SUMF1: variants seen among roughly 807,000 people sequenced by gnomAD.
SUMF1 encodes sulfatase modifying factor 1.
Under a neutral mutation model 47.6 loss-of-function variants are expected in SUMF1, and 48 were observed. The observed-to-expected ratio is 1.01, with a 90% CI of 0.80 to 1.28. The LOEUF (loss-of-function observed/expected upper bound fraction) is 1.28, where lower values mean the gene tolerates loss of function less well. Ranked by LOEUF, SUMF1 falls within the 50% of genes most tolerant of loss-of-function variation. The pLI is 0.00. For synonymous variants in SUMF1, 230 were observed against 192.1 expected, an observed-to-expected ratio of 1.20 and a Z score of -1.63; for missense variants, 571 against 485.4, an observed-to-expected ratio of 1.18 and a Z score of -1.66.
chr3:4,062,118 C>T (rs1056345281), intron 9 of SUMF1, among the ~76,000 whole-genome samples: 2 of 152,048 alleles, frequency 1.3e-5, no homozygotes, highest in Admixed American at 1.3e-4. Context: ...GCCCTAAGCT[C>T]CTAATCACTG....
At chr3:4,167,708 C>A (rs1483200496) in intron 8 of SUMF1, among the ~76,000 whole-genome samples, 5 of 152,188 alleles carry the variant, frequency 3.3e-5, no homozygotes, top group South Asian at 4.1e-4. Flanking sequence ...GCAACTCAGA[C>A]AATACACCCT....
intron 7 of SUMF1, among the ~76,000 whole-genome samples, chr3:4,387,157 G>T (rs999798092): frequency 6.6e-6 from 1 of 151,940 alleles, no homozygotes; most frequent in African/African-American, 2.4e-5. Flanking sequence ...AAAACAAATT[G>T]TGTAGAATTG....
intron 8 of SUMF1, among the ~76,000 whole-genome samples, chr3:4,254,804 C>CATAATT (rs1410331753): frequency 4.0e-5 from 6 of 150,174 alleles, no homozygotes; most frequent in Non-Finnish European, 9.0e-5. Flanking sequence ...CTCCAAGACA[C>CATAATT]ATAATTGTCA....
intron 7 of SUMF1, 83 bp from the exon 8 acceptor site, chr3:4,376,472 A>T: frequency 7.1e-7 from 1 of 1,412,938 alleles, no homozygotes; most frequent in Non-Finnish European, 1.0e-6. Flanking sequence ...CTTTGATCCA[A>T]CCAGCTCTCT....
intron 8 of SUMF1, among the ~76,000 whole-genome samples, chr3:4,214,456 A>T (rs1043686012): frequency 1.3e-5 from 2 of 152,232 alleles, no homozygotes; most frequent in African/African-American, 2.4e-5. Context: ...AGAAAGCAGG[A>T]AAGATCTAAA....
At chr3:4,284,652 T>C (rs982856912) in intron 8 of SUMF1, among the ~76,000 whole-genome samples, 2 of 152,114 alleles carry the variant, frequency 1.3e-5, no homozygotes, top group African/African-American at 4.8e-5. Flanking sequence ...AAAATGTCTT[T>C]AAGCTGGCTC....
At chr3:4,124,096 T>G (rs1693603374) in intron 8 of SUMF1, among the ~76,000 whole-genome samples, 1 of 152,186 alleles carries the variant, frequency 6.6e-6, no homozygotes. Flanking sequence ...CAATAACACT[T>G]GAAAGCTACA....
chr3:4,320,751 T>G (rs1698812937), intron 8 of SUMF1, among the ~76,000 whole-genome samples: 1 of 152,200 alleles, frequency 6.6e-6, no homozygotes, highest in Admixed American at 6.5e-5. Flanking sequence ...TTCCTGGTTG[T>G]TTGATGAAAT....
chr3:4,407,085 G>GACACACACAC (rs113556805), intron 7 of SUMF1, among the ~76,000 whole-genome samples: 1,777 of 148,634 alleles, frequency 0.012, 46 homozygotes, highest in African/African-American at 0.041. Context: ...ACACACATGG[G>GACACACACAC]ACACACACAC....
At position 4,380,945 on chromosome 3, in the gene SUMF1, C is replaced by T. The variant is rs145984605; in HGVS notation, c.955-4556G>A. ...TGAGTTGAATCCACTGGAGATGCCA[C>T]AGAACCACGTATCAGTGAGACTGGC... On this transcript the variant is annotated intron_variant, in intron 7 of 8. Coordinates refer to ENST00000272902, the MANE Select transcript of SUMF1 (RefSeq NM_182760.4). Among the ~76,000 whole-genome samples the T allele has an allele frequency of 5.3e-5, 8 of 152,286 alleles. No individual in the cohort carries two copies. The East Asian group carries it at 1.4e-3, about 26-fold the overall frequency.
intron 1 of SUMF1, among the ~76,000 whole-genome samples, chr3:4,457,029 C>CGT (rs1170032813): frequency 7.7e-5 from 5 of 64,732 alleles, no homozygotes; most frequent in Admixed American, 1.5e-4. Context: ...CATATATATA[C>CGT]GTGTGTGTGT....
chr3:4,192,609 T>G (rs1343203245), intron 8 of SUMF1, among the ~76,000 whole-genome samples: 1 of 152,134 alleles, frequency 6.6e-6, no homozygotes, highest in African/African-American at 2.4e-5. Flanking sequence ...CCTTGGAATT[T>G]CCTGAGATAG....
At chr3:4,462,902 T>C (rs115980658) in intron 1 of SUMF1, among the ~76,000 whole-genome samples, 6 of 152,222 alleles carry the variant, frequency 3.9e-5, no homozygotes, top group African/African-American at 1.2e-4. Flanking sequence ...TTCTGAGCTA[T>C]ATGATTCCTT....
intron 8 of SUMF1, among the ~76,000 whole-genome samples, chr3:4,126,111 T>C (rs1693649982): frequency 6.6e-6 from 1 of 151,816 alleles, no homozygotes; most frequent in Non-Finnish European, 1.5e-5. Flanking sequence ...ATCAGAATTA[T>C]ATATAGATGC....
intron 6 of SUMF1, among the ~76,000 whole-genome samples, chr3:4,416,817 A>G (rs1361699139): frequency 6.6e-6 from 1 of 152,226 alleles, no homozygotes; most frequent in Admixed American, 6.5e-5. Context: ...ACAAATGGGG[A>G]AGAAATGCAC....
chr3:4,382,414 A>G (rs1363903504), intron 7 of SUMF1, among the ~76,000 whole-genome samples: 1 of 152,200 alleles, frequency 6.6e-6, no homozygotes, highest in Non-Finnish European at 1.5e-5. Context: ...ATTGTAGGAA[A>G]TACAAGGGGT....
At chr3:4,162,696 G>A (rs573961639) in intron 8 of SUMF1, among the ~76,000 whole-genome samples, 1 of 152,288 alleles carries the variant, frequency 6.6e-6, no homozygotes, top group South Asian at 2.1e-4. Flanking sequence ...TGGGAGTGAG[G>A]TGGTGTCAGT....
intron 8 of SUMF1, among the ~76,000 whole-genome samples, chr3:4,190,922 C>T (rs1046165289): frequency 6.6e-6 from 1 of 152,218 alleles, no homozygotes; most frequent in South Asian, 2.1e-4. Flanking sequence ...ACAAAACACA[C>T]CAGGTTCCTG....
At chr3:4,205,466 T>C (rs142443134) in intron 8 of SUMF1, among the ~76,000 whole-genome samples, 1,711 of 152,322 alleles carry the variant, frequency 0.011, 15 homozygotes, top group Admixed American at 0.017. Context: ...TGGATGGTCT[T>C]GGTGCTTGCA....
Sources: gnomAD v4.1 joint callset for allele counts (sites outside exome capture counted in the v4.1 genomes callset) on GRCh38, gnomAD v4.1.1 for gene constraint, MANE v1.5 for transcripts, NCBI Gene and HGNC (gene_info 2026-07-23, HGNC 2026-07-21) for gene names.